The following MACO1 variants were observed in gnomAD, a reference collection of about 807,000 sequenced individuals.
MACO1 encodes macoilin 1.
Under a neutral mutation model 78.7 loss-of-function variants are expected in MACO1, and 14 were observed. The observed-to-expected ratio is 0.18, with a 90% CI of 0.12 to 0.28. MACO1 has a LOEUF of 0.28. Among genes scored for constraint, MACO1 ranks in the 10% least tolerant of loss-of-function variants. The pLI is 1.00. For missense variants in MACO1, 501 were observed against 799.0 expected, an observed-to-expected ratio of 0.63 and a Z score of 4.50; for synonymous variants, 288 against 291.6, an observed-to-expected ratio of 0.99 and a Z score of 0.12.
intron 8 of MACO1, 41 bp from the exon 9 acceptor site, chr1:25,489,132 T>C (rs1237089722): frequency 1.3e-6 from 2 of 1,597,414 alleles, no homozygotes; most frequent in Non-Finnish European, 1.7e-6. Flanking sequence ...CAACCTATAG[T>C]CTTTTAAATC....
intron 1 of MACO1, among the ~76,000 whole-genome samples, chr1:25,440,351 A>G (rs1191642815): frequency 6.6e-6 from 1 of 150,766 alleles, no homozygotes; most frequent in Non-Finnish European, 1.5e-5. Flanking sequence ...GCAGTGAACT[A>G]TGATTGTACC....
chr1:25,434,016 G>A (rs1341552781), intron 1 of MACO1, among the ~76,000 whole-genome samples: 3 of 152,086 alleles, frequency 2.0e-5, no homozygotes, highest in Admixed American at 2.0e-4. Flanking sequence ...TTAAATCATG[G>A]GCTGCAGTCC....
intron 6 of MACO1, among the ~76,000 whole-genome samples, chr1:25,469,165 A>G (rs1017948170): frequency 6.6e-6 from 1 of 152,118 alleles, no homozygotes; most frequent in Admixed American, 6.5e-5. Context: ...ACTTATACTC[A>G]TATTCAAGTA....
intron 6 of MACO1, among the ~76,000 whole-genome samples, chr1:25,468,027 G>A (rs2043234352): frequency 6.6e-6 from 1 of 151,846 alleles, no homozygotes; most frequent in African/African-American, 2.4e-5. Flanking sequence ...ACTAACATTG[G>A]CCCAAGGATT....
chr1:25,461,492 T>C (rs74766190), intron 6 of MACO1, among the ~76,000 whole-genome samples: 7,318 of 152,224 alleles, frequency 0.048, 555 homozygotes, highest in African/African-American at 0.16. Flanking sequence ...CTGATTTCCA[T>C]TTCTTGGAAA....
At chr1:25,469,145 G>T (rs1439434233) in intron 6 of MACO1, among the ~76,000 whole-genome samples, 1 of 152,016 alleles carries the variant, frequency 6.6e-6, no homozygotes, top group South Asian at 2.1e-4. Context: ...ACCTGGCTGA[G>T]AAGTGTTTAA....
At position 25,494,889 on chromosome 1, in the gene MACO1, C is replaced by T. The variant is rs76909048; in HGVS notation, c.1792+3305C>T. Among the ~76,000 whole-genome samples, 268 of 152,236 alleles carry T rather than the reference C, an allele frequency of 1.8e-3. 7 individuals carry two copies. The East Asian group carries it at 0.047, about 27-fold the overall frequency. Reference sequence around the variant, plus strand: ...GGGAACTTTGGGCCTAAACCAAAGACGGAGGCCCAAACCCCTGGGAGTAAG... The same window carrying T: ...GGGAACTTTGGGCCTAAACCAAAGATGGAGGCCCAAACCCCTGGGAGTAAG... On this transcript the variant is annotated intron_variant, in intron 10 of 10. Transcript: ENST00000374343.
chr1:25,468,086 A>G lies in MACO1; in HGVS notation c.1154+9194A>G, dbSNP rs80250761. On this transcript the variant is annotated intron_variant, in intron 6 of 10. Coordinates refer to ENST00000374343, the MANE Select transcript of MACO1 (RefSeq NM_018202.6). The stretch of plus-strand genomic sequence containing the variant: ...TCTCATGGCTAAAATCTGTAGAAAA[A>G]TTGGTTAGAATTTCAGATTTTTTTT... Among the ~76,000 whole-genome samples, 233 of 151,362 alleles carry G rather than the reference A, an allele frequency of 1.5e-3. 2 individuals carry two copies. Among genetic ancestry groups the G allele is most frequent in the African/African-American group, 5.3e-3 (215 of 40,670 alleles).
chr1:25,468,103 A>T (rs1557668687), intron 6 of MACO1, among the ~76,000 whole-genome samples: 1 of 150,438 alleles, frequency 6.6e-6, no homozygotes, highest in Non-Finnish European at 1.5e-5. Flanking sequence ...AGAATTTCAG[A>T]TTTTTTTTTT....
intron 10 of MACO1, 58 bp from the exon 11 acceptor site, chr1:25,498,206 G>C: frequency 6.3e-6 from 10 of 1,582,656 alleles, no homozygotes; most frequent in Non-Finnish European, 8.7e-6. Context: ...TGGCCCCTGG[G>C]GACATTGTGT....
intron 6 of MACO1, among the ~76,000 whole-genome samples, chr1:25,475,926 T>C (rs1413350368): frequency 6.6e-6 from 1 of 152,238 alleles, no homozygotes; most frequent in Non-Finnish European, 1.5e-5. Flanking sequence ...TCTTCATTGG[T>C]GATTTTTTAA....
chr1:25,442,390 G>A (rs2042980401), intron 1 of MACO1, among the ~76,000 whole-genome samples: 1 of 152,180 alleles, frequency 6.6e-6, no homozygotes, highest in Non-Finnish European at 1.5e-5. Context: ...GAGATGGATG[G>A]CTACTAGCAG....
chr1:25,439,848 G>A lies in MACO1; in HGVS notation c.81-6914G>A, dbSNP rs780869065. Among the ~76,000 whole-genome samples the A allele has an allele frequency of 4.6e-5, 7 of 151,472 alleles. No individual in the cohort carries two copies. In the South Asian group the frequency reaches 8.3e-4, roughly 18 times the overall value. On this transcript the variant is annotated intron_variant, in intron 1 of 10. Coordinates refer to ENST00000374343, the MANE Select transcript of MACO1 (RefSeq NM_018202.6). ...AGCCTGACCAACTTGGAGAAACCCCGTCTCTACTAAAAATGAAAAATTAGC... is the reference window on the plus strand; with the variant it reads ...AGCCTGACCAACTTGGAGAAACCCCATCTCTACTAAAAATGAAAAATTAGC...
chr1:25,438,372 T>G (rs988642461), intron 1 of MACO1, among the ~76,000 whole-genome samples: 5 of 152,264 alleles, frequency 3.3e-5, no homozygotes, highest in African/African-American at 4.8e-5. Flanking sequence ...ATTTCTGTCT[T>G]ACTTGTAACT....
At chr1:25,458,303 A>G in intron 5 of MACO1, 88 bp from the exon 6 acceptor site, 1 of 1,491,146 alleles carries the variant, frequency 6.7e-7, no homozygotes, top group Non-Finnish European at 8.9e-7. Flanking sequence ...AAGTGTAGAT[A>G]ATAGTTTGTT....
intron 1 of MACO1, among the ~76,000 whole-genome samples, chr1:25,435,330 G>T (rs2042909953): frequency 6.6e-6 from 1 of 152,096 alleles, no homozygotes; most frequent in Non-Finnish European, 1.5e-5. Flanking sequence ...TTAAAACTAG[G>T]ACTAAGAACT....
chr1:25,480,929 A>AAAAAAAAAAAAATATAT (rs1553166539), intron 6 of MACO1, among the ~76,000 whole-genome samples: 1 of 47,938 alleles, frequency 2.1e-5, no homozygotes, highest in African/African-American at 9.7e-5. Context: ...AAAAAAAAAA[A>AAAAAAAAAAAAATATAT]ATATATATAT....
chr1:25,468,299 C>T (rs1284409302), intron 6 of MACO1, among the ~76,000 whole-genome samples: 1 of 152,072 alleles, frequency 6.6e-6, no homozygotes, highest in Non-Finnish European at 1.5e-5. Context: ...AGCCTAGAGC[C>T]CCACAGCATG....
intron 1 of MACO1, among the ~76,000 whole-genome samples, chr1:25,435,876 C>T (rs1327959565): frequency 6.6e-6 from 1 of 152,138 alleles, no homozygotes; most frequent in Non-Finnish European, 1.5e-5. Flanking sequence ...AAAAATCGGC[C>T]ACACTGGGAT....
Sources: gnomAD v4.1 joint callset for allele counts (sites outside exome capture counted in the v4.1 genomes callset) on GRCh38, gnomAD v4.1.1 for gene constraint, MANE v1.5 for transcripts, NCBI Gene and HGNC (gene_info 2026-07-23, HGNC 2026-07-21) for gene names.